Variants in HCN1 observed in about 807,000 individuals in gnomAD.
HCN1 encodes potassium/sodium hyperpolarization-activated cyclic nucleotide-gated channel 1.
A neutral mutation model predicts 78.9 loss-of-function variants in HCN1; 13 were observed. That is an observed-to-expected ratio of 0.16 (90% CI 0.11 to 0.26). HCN1 has a LOEUF of 0.26. Ranked by LOEUF, HCN1 falls within the 10% of genes least tolerant of loss-of-function variation. The pLI is 1.00. For missense variants in HCN1, 810 were observed against 1,154.3 expected, an observed-to-expected ratio of 0.70 and a Z score of 4.32; for synonymous variants, 552 against 455.5, an observed-to-expected ratio of 1.21 and a Z score of -2.70.
At chr5:45,448,251 A>G (rs1439233203) in intron 3 of HCN1, among the ~76,000 whole-genome samples, 1 of 152,192 alleles carries the variant, frequency 6.6e-6, no homozygotes, top group Non-Finnish European at 1.5e-5. Context: ...TGACCATCTT[A>G]AGGTGCAATT....
intron 2 of HCN1, among the ~76,000 whole-genome samples, chr5:45,515,983 A>G (rs984825110): frequency 1.3e-5 from 2 of 152,002 alleles, no homozygotes; most frequent in Non-Finnish European, 2.9e-5. Flanking sequence ...ATATGTATAC[A>G]TGCATGTCAA....
intron 5 of HCN1, among the ~76,000 whole-genome samples, chr5:45,315,056 A>G (rs1347768681): frequency 6.6e-6 from 1 of 152,184 alleles, no homozygotes; most frequent in Admixed American, 6.5e-5. Context: ...GCTCTGCACC[A>G]AGCGGACCTA....
rs530657446 is a variant in HCN1 at position 45,545,782 on chromosome 5, A to G, written c.850-83775T>C. On this transcript the variant is annotated intron_variant, in intron 2 of 7. Coordinates refer to ENST00000303230, the MANE Select transcript of HCN1 (RefSeq NM_021072.4). ...TTCTGAATTTTTAACTCTTCACAATATGTGGGACACTGTTGACTATCACCT... is the reference window on the plus strand; with the variant it reads ...TTCTGAATTTTTAACTCTTCACAATGTGTGGGACACTGTTGACTATCACCT... Among the ~76,000 whole-genome samples, 21 of 152,022 alleles carry G rather than the reference A, an allele frequency of 1.4e-4. No individual in the cohort carries two copies. In the South Asian group the frequency reaches 2.1e-3, roughly 15 times the overall value.
chr5:45,579,663 A>T (rs949335241), intron 2 of HCN1, among the ~76,000 whole-genome samples: 2 of 152,154 alleles, frequency 1.3e-5, no homozygotes, highest in Non-Finnish European at 2.9e-5. Context: ...TTTAGATATT[A>T]GATACAGAAA....
chr5:45,656,255 T>G (rs1160127630), intron 1 of HCN1, among the ~76,000 whole-genome samples: 1 of 152,154 alleles, frequency 6.6e-6, no homozygotes, highest in Non-Finnish European at 1.5e-5. Flanking sequence ...GCACAAATAT[T>G]AATTTGTCAA....
intron 3 of HCN1, among the ~76,000 whole-genome samples, chr5:45,456,345 A>T (rs1741029386): frequency 1.3e-5 from 2 of 152,130 alleles, no homozygotes; most frequent in East Asian, 1.9e-4. Flanking sequence ...CACATATTTT[A>T]AAAAATGCTG....
chr5:45,668,481 G>A (rs1281885062), intron 1 of HCN1, among the ~76,000 whole-genome samples: 1 of 151,872 alleles, frequency 6.6e-6, no homozygotes, highest in East Asian at 1.9e-4. Flanking sequence ...CTAGCCATGT[G>A]GAATTGTGAG....
intron 2 of HCN1, among the ~76,000 whole-genome samples, chr5:45,641,518 G>C (rs1008536224): frequency 6.6e-6 from 1 of 152,054 alleles, no homozygotes; most frequent in South Asian, 2.1e-4. Flanking sequence ...ATATGTCCCA[G>C]TTCTATACAA....
chr5:45,354,034 G>GCA lies in HCN1; in HGVS notation c.1231-790_1231-789dup, dbSNP rs903201098. ...TTTATATTTATACACACATGCGCGT[G>GCA]CACACACACACACCCAGAGAGAGAG... On this transcript the variant is annotated intron_variant, in intron 4 of 7. Transcript: ENST00000303230. Among the ~76,000 whole-genome samples, 12 of 151,258 alleles carry GCA rather than the reference G, an allele frequency of 7.9e-5. 1 individual carries two copies. Among genetic ancestry groups the GCA allele is most frequent in the South Asian group, 2.1e-4 (1 of 4,788 alleles).
intron 5 of HCN1, among the ~76,000 whole-genome samples, chr5:45,331,749 C>T (rs963822686): frequency 9.2e-5 from 14 of 151,460 alleles, no homozygotes; most frequent in African/African-American, 1.9e-4. Context: ...TACCCAAACA[C>T]GTGATATGCT....
intron 2 of HCN1, among the ~76,000 whole-genome samples, chr5:45,493,230 A>G (rs1181641887): frequency 6.6e-6 from 1 of 152,070 alleles, no homozygotes; most frequent in Non-Finnish European, 1.5e-5. Flanking sequence ...ATCTGCAATG[A>G]CATATGTATA....
chr5:45,339,071 T>C (rs974263965), intron 5 of HCN1, among the ~76,000 whole-genome samples: 1 of 152,194 alleles, frequency 6.6e-6, no homozygotes, highest in African/African-American at 2.4e-5. Context: ...GAGCATTTCA[T>C]GCTTCCACTT....
intron 2 of HCN1, among the ~76,000 whole-genome samples, chr5:45,616,011 C>A (rs1416185603): frequency 2.0e-5 from 3 of 150,286 alleles, no homozygotes; most frequent in South Asian, 4.2e-4. Flanking sequence ...TTTTACATAC[C>A]CAGGAAGTAT....
At chr5:45,417,324 C>T (rs1740137588) in intron 3 of HCN1, among the ~76,000 whole-genome samples, 1 of 151,740 alleles carries the variant, frequency 6.6e-6, no homozygotes, top group South Asian at 2.1e-4. Flanking sequence ...GTTAAAAAAA[C>T]AAAATCCTAG....
intron 6 of HCN1, among the ~76,000 whole-genome samples, chr5:45,272,627 G>T (rs1744981174): frequency 6.6e-6 from 1 of 152,024 alleles, no homozygotes. Flanking sequence ...TGGTTCACCT[G>T]TTAGGCATCT....
chr5:45,320,596 C>T (rs2111935006), intron 5 of HCN1, among the ~76,000 whole-genome samples: 1 of 151,862 alleles, frequency 6.6e-6, no homozygotes, highest in South Asian at 2.1e-4. Context: ...ACTATGGTAT[C>T]CCAGGGCAGC....
rs867181593 is a variant in HCN1, at chr5:45,469,546, A to C, written c.850-7539T>G. ...ATGATGGATCTTTGAACCTCATTTT[A>C]ATGATGTTTGTCTGAAGATTATTTG... On this transcript the variant is annotated intron_variant, in intron 2 of 7. Coordinates refer to ENST00000303230, the MANE Select transcript of HCN1 (RefSeq NM_021072.4). 1.3e-5 allele frequency among the ~76,000 whole-genome samples: 2 copies of C among 151,968 alleles called. 1 individual carries two copies. The highest frequency in any genetic ancestry group is 4.1e-4 in the South Asian group (2 of 4,832).
intron 2 of HCN1, among the ~76,000 whole-genome samples, chr5:45,594,101 C>G (rs578025542): frequency 6.6e-6 from 1 of 152,284 alleles, no homozygotes; most frequent in East Asian, 1.9e-4. Context: ...TGGCAATTTA[C>G]TAAATGGTTT....
At chr5:45,630,172 A>G (rs1489244031) in intron 2 of HCN1, among the ~76,000 whole-genome samples, 1 of 152,128 alleles carries the variant, frequency 6.6e-6, no homozygotes, top group African/African-American at 2.4e-5. Context: ...AGCACACGCC[A>G]ATCAATAGGG....
Sources: allele counts gnomAD v4.1 joint callset (sites outside exome capture counted in the v4.1 genomes callset), GRCh38; gene constraint gnomAD v4.1.1; transcripts MANE v1.5; gene names NCBI Gene and HGNC (gene_info 2026-07-23, HGNC 2026-07-21).